The following ADGRG6 variants were observed in gnomAD, a reference collection of about 807,000 sequenced individuals.
The protein encoded by ADGRG6 is G-protein coupled receptor 126.
ADGRG6 carries 84 observed loss-of-function variants against 142.4 expected under a neutral mutation model. That is an observed-to-expected ratio of 0.59 (90% CI 0.49 to 0.71). The LOEUF (loss-of-function observed/expected upper bound fraction) is 0.71. Ranked by LOEUF, ADGRG6 falls within the 30% of genes least tolerant of loss-of-function variation. ADGRG6 has a pLI of 0.00. For missense variants in ADGRG6, 1,367 were observed against 1,466.6 expected (o/e 0.93, Z 1.11); for synonymous variants, 521 against 520.5 (o/e 1.00, Z -0.01).
chr6:142,337,358 A>G (rs1012131125), intron 2 of ADGRG6, among the ~76,000 whole-genome samples: 1 of 152,216 alleles, frequency 6.6e-6, no homozygotes, highest in African/African-American at 2.4e-5. Context: ...GTTGTAATGG[A>G]AACAAAATAG....
At chr6:142,425,648 C>T (rs555378938) in intron 22 of ADGRG6, among the ~76,000 whole-genome samples, 70 of 152,116 alleles carry the variant, frequency 4.6e-4, no homozygotes, top group African/African-American at 1.6e-3. Context: ...GTTATGGAGG[C>T]GGGATGTGTG....
Position 142,402,289 on chromosome 6 carries a change from A to C in ADGRG6, c.1744+231A>C, listed in dbSNP as rs183132311. On this transcript the variant is annotated intron_variant, in intron 12 of 24. Transcript: ENST00000367609. ...AATCTAGAGAAGACAAAACTAATAT[A>C]TAAATTGATATTTGTATCAATGTTT... Among the ~76,000 whole-genome samples the C allele has an allele frequency of 1.6e-4, 25 of 152,294 alleles. No individual in the cohort carries two copies. The East Asian group carries it at 4.4e-3, about 27-fold the overall frequency.
intron 2 of ADGRG6, among the ~76,000 whole-genome samples, chr6:142,350,946 G>A (rs1046771997): frequency 2.0e-5 from 3 of 152,074 alleles, no homozygotes; most frequent in African/African-American, 7.2e-5. Flanking sequence ...AGCAAAAAGA[G>A]CAAAGTAGGC....
intron 14 of ADGRG6, chr6:142,405,224 C>T: frequency 2.5e-6 from 1 of 395,896 alleles, no homozygotes; most frequent in Non-Finnish European, 5.0e-6. Flanking sequence ...TGTCCTTGAG[C>T]TATGGTTTCA....
At chr6:142,377,952 T>TATTGG (rs1204662005) in intron 4 of ADGRG6, among the ~76,000 whole-genome samples, 1 of 152,216 alleles carries the variant, frequency 6.6e-6, no homozygotes, top group African/African-American at 2.4e-5. Flanking sequence ...TTTATTGTTA[T>TATTGG]ATTGGATCAT....
At position 142,343,974 on chromosome 6, in the gene ADGRG6, A is replaced by G. The variant is rs77495768; in HGVS notation, c.104-23595A>G. ...CACTGAATTCCTGTTTCCTAAGCTT[A>G]TCTAAATGCTAAATGAAATGTATGA... On this transcript the variant is annotated intron_variant, in intron 2 of 24. Coordinates refer to ENST00000367609, the MANE Select transcript of ADGRG6 (RefSeq NM_198569.3). 7.6e-3 allele frequency among the ~76,000 whole-genome samples: 1,152 copies of G among 152,080 alleles called. 12 individuals carry two copies. The highest frequency in any genetic ancestry group is 0.026 in the African/African-American group (1,098 of 41,548).
Position 142,423,197 on chromosome 6 carries a change from T to C in ADGRG6, c.3319+3093T>C, listed in dbSNP as rs1456117207. On this transcript the variant is annotated intron_variant, in intron 22 of 24. Coordinates refer to ENST00000367609, the MANE Select transcript of ADGRG6 (RefSeq NM_198569.3). ...AGATCCCATTTGTCAATTTTGGCTTTTGTTGCCATTGCTTTTGGTGTTTTG... is the reference window on the plus strand; with the variant it reads ...AGATCCCATTTGTCAATTTTGGCTTCTGTTGCCATTGCTTTTGGTGTTTTG... Among the ~76,000 whole-genome samples the C allele has an allele frequency of 4.9e-5, 7 of 142,252 alleles. No homozygotes were observed. The South Asian group carries it at 9.8e-4, about 20-fold the overall frequency. 93.3% of individuals were successfully genotyped at this position (142,252 alleles called of 152,430 possible). A position where few individuals can be genotyped will look rare whatever the true frequency, so the allele number is the denominator to read the frequency against.
At chr6:142,370,940 GCT>G (rs762607098) in intron 4 of ADGRG6, 147 bp downstream of exon 4, 1 of 842,216 alleles carries the variant, frequency 1.2e-6, no homozygotes. Context: ...TCATTAAAAA[GCT>G]CTTTTAATTT....
intron 22 of ADGRG6, among the ~76,000 whole-genome samples, chr6:142,435,226 A>C (rs945253231): frequency 1.3e-5 from 2 of 152,052 alleles, no homozygotes; most frequent in African/African-American, 4.8e-5. Context: ...TGAATCTCCA[A>C]CTCCTAAAAC....
chr6:142,332,586 A>G (rs1380725012), intron 2 of ADGRG6, among the ~76,000 whole-genome samples: 2 of 151,494 alleles, frequency 1.3e-5, no homozygotes, highest in Non-Finnish European at 2.9e-5. Context: ...CAGTTTCTCT[A>G]GGAAATGATT....
intron 2 of ADGRG6, among the ~76,000 whole-genome samples, chr6:142,347,835 A>C (rs1779980545): frequency 6.6e-6 from 1 of 152,178 alleles, no homozygotes; most frequent in Non-Finnish European, 1.5e-5. Flanking sequence ...AATTCATCAT[A>C]GCTTCCAAGG....
chr6:142,422,946 G>A (rs1776734799), intron 22 of ADGRG6, among the ~76,000 whole-genome samples: 1 of 151,160 alleles, frequency 6.6e-6, no homozygotes, highest in Admixed American at 6.6e-5. Flanking sequence ...TGTGTTCTTT[G>A]GCTGCATAAA....
At chr6:142,341,500 A>G (rs547611961) in intron 2 of ADGRG6, among the ~76,000 whole-genome samples, 93 of 118,206 alleles carry the variant, frequency 7.9e-4, no homozygotes, top group African/African-American at 2.8e-3. Flanking sequence ...ATAATATTAT[A>G]TAGTATATAT....
At chr6:142,402,166 C>A in intron 12 of ADGRG6, 108 bp downstream of exon 12, 1 of 578,342 alleles carries the variant, frequency 1.7e-6, no homozygotes, top group South Asian at 2.6e-5. Flanking sequence ...ATACTGTTTT[C>A]ATATTAAAAG....
chr6:142,355,930 C>T (rs938595411), intron 2 of ADGRG6, among the ~76,000 whole-genome samples: 4 of 152,082 alleles, frequency 2.6e-5, no homozygotes, highest in Non-Finnish European at 4.4e-5. Flanking sequence ...ATGTTTTTGC[C>T]GCAGACTTGT....
intron 2 of ADGRG6, among the ~76,000 whole-genome samples, chr6:142,347,168 A>C (rs1779945425): frequency 6.6e-6 from 1 of 152,192 alleles, no homozygotes; most frequent in Non-Finnish European, 1.5e-5. Context: ...TTGAAGATAC[A>C]GTAGTAAATA....
chr6:142,442,359 G>A (rs1777794648), intron 24 of ADGRG6, among the ~76,000 whole-genome samples: 1 of 152,080 alleles, frequency 6.6e-6, no homozygotes, highest in Non-Finnish European at 1.5e-5. Context: ...TTTGGAGAGG[G>A]AAGTGCTTAA....
chr6:142,404,247 G>A (rs1775683488), intron 14 of ADGRG6: 1 of 392,780 alleles, frequency 2.5e-6, no homozygotes, highest in Admixed American at 4.6e-5. Context: ...TACTTGGGGT[G>A]AGCATCAGTT....
intron 4 of ADGRG6, chr6:142,371,024 T>G: frequency 2.1e-6 from 1 of 471,798 alleles, no homozygotes; most frequent in Non-Finnish European, 3.7e-6. Flanking sequence ...TCAAGACATT[T>G]GGTTTTACCA....
Sources: gnomAD v4.1 joint callset for allele counts (sites outside exome capture counted in the v4.1 genomes callset) on GRCh38, gnomAD v4.1.1 for gene constraint, MANE v1.5 for transcripts, NCBI Gene and HGNC (gene_info 2026-07-23, HGNC 2026-07-21) for gene names.